The following ZNF75D variants were observed in gnomAD, a reference collection of about 807,000 sequenced individuals.
The protein encoded by ZNF75D is zinc finger protein 75.
In ZNF75D, 33 loss-of-function variants were observed where a neutral mutation model predicts 33.3. The ratio of observed to expected loss-of-function variants is 0.99; its 90% CI spans 0.75 to 1.32. The LOEUF (loss-of-function observed/expected upper bound fraction) is 1.32, where lower values mean the gene tolerates loss of function less well. Ranked by LOEUF, ZNF75D falls within the 40% of genes most tolerant of loss-of-function variation. The pLI is 0.00. For synonymous variants in ZNF75D, 113 were observed against 130.6 expected, an observed-to-expected ratio of 0.87 and a Z score of 0.92; for missense variants, 338 against 367.5, an observed-to-expected ratio of 0.92 and a Z score of 0.66.
chrX:135,312,117 T>C, intron 1 of ZNF75D, among the ~76,000 whole-genome samples: 1 of 111,820 alleles, frequency 8.9e-6, no homozygotes, highest in South Asian at 3.7e-4. Flanking sequence ...TGTATGTTTG[T>C]ACCCATTAAC....
downstream of ZNF75D, among the ~76,000 whole-genome samples, chrX:135,284,634 A>AGTCACTT (rs1377458479): frequency 1.8e-5 from 2 of 112,224 alleles, no homozygotes; most frequent in African/African-American, 6.5e-5. Flanking sequence ...ATCTAAAGGC[A>AGTCACTT]GTCACTTCCT....
rs146364929 is a variant in ZNF75D at position 135,287,378 on chromosome X, C to G, written c.1292G>C (p.Ser431Thr). The G allele has an allele frequency of 1.4e-4, 173 of 1,210,127 alleles. No homozygotes were observed. Among genetic ancestry groups the G allele is most frequent in the Non-Finnish European group, 1.8e-4 (165 of 895,048 alleles). Residue 431 changes from serine to threonine, a missense_variant, in exon 7 of 7, where the codon AGT becomes ACT. Around this residue, in one of 3 missense-constraint regions of ZNF75D, gnomAD observed 79 missense variants for 80.1 expected, o/e 0.99. Transcript: ENST00000370766. Reference protein sequence around the residue: ...YRCSWCGKSFSHNTNLHTHQR... With the variant: ...YRCSWCGKSFTHNTNLHTHQR... ...GTGTGTGTGTAGATTTGTGTTATGA[C>G]TAAAGCTTTTCCCACACCATGAGCA...
At chrX:135,253,439 G>T (rs1216200351) in intron 2 of ZNF75D, 2 of 293,870 alleles carry the variant, frequency 6.8e-6, no homozygotes, top group Non-Finnish European at 1.2e-5. Context: ...GTCAAGATGG[G>T]TGTGGATGCT....
chrX:135,312,038 T>C (rs1316958808), intron 1 of ZNF75D, among the ~76,000 whole-genome samples: 1 of 111,759 alleles, frequency 8.9e-6, no homozygotes, highest in Non-Finnish European at 1.9e-5. Flanking sequence ...GAATCCATAG[T>C]ACATTTGATG....
chrX:135,311,498 C>T (rs1556428117), intron 1 of ZNF75D, among the ~76,000 whole-genome samples: 1 of 112,363 alleles, frequency 8.9e-6, no homozygotes, highest in African/African-American at 3.2e-5. Flanking sequence ...CTAAATTAAG[C>T]TAATTATATG....
intron 1 of ZNF75D, chrX:135,298,465 T>C (rs1191128026): frequency 1.8e-5 from 2 of 111,145 alleles, no homozygotes; most frequent in African/African-American, 6.5e-5. Flanking sequence ...ATCAAACAAG[T>C]AGAATCTACT....
intron 1 of ZNF75D, among the ~76,000 whole-genome samples, chrX:135,278,955 G>T (rs1041155590): frequency 1.8e-5 from 2 of 110,803 alleles, no homozygotes; most frequent in Non-Finnish European, 3.8e-5. Context: ...ATTTTCTTTT[G>T]TGTGTGTGTG....
chrX:135,266,559 C>T (rs1556416338), intron 1 of ZNF75D, among the ~76,000 whole-genome samples: 1 of 111,787 alleles, frequency 8.9e-6, no homozygotes, highest in African/African-American at 3.2e-5. Flanking sequence ...ATAAAGGGGT[C>T]AATTCAGCAA....
At position 135,292,376 on chromosome X, in the gene ZNF75D, C is replaced by A; in HGVS notation, c.509G>T (p.Gly170Val). ...ATTCCAATATTCTTTCTGGAACACA[C>A]CCATTGGTTGGGGCTCTGCTGGCTT... ...KWKPAEPQPM[G>V]VFQKEYWNTY... Residue 170 changes from glycine to valine, a missense_variant, in exon 4 of 7, where the codon GGT (glycine) becomes GTT (valine). By Grantham distance (109) the Gly-to-Val change is moderately radical. Coordinates refer to ENST00000370766, the MANE Select transcript of ZNF75D (RefSeq NM_007131.5). 1 of 1,211,458 alleles carries A rather than the reference C, an allele frequency of 8.3e-7. No individual in the cohort carries two copies. Among genetic ancestry groups the A allele is most frequent in the Non-Finnish European group, 1.1e-6 (1 of 895,181 alleles).
At chrX:135,276,627 T>C (rs1157159609) in intron 1 of ZNF75D, among the ~76,000 whole-genome samples, 3 of 110,845 alleles carry the variant, frequency 2.7e-5, no homozygotes, top group Non-Finnish European at 5.7e-5. Flanking sequence ...CTCCTAATGC[T>C]ATCCCTCCCC....
At chrX:135,274,986 T>C (rs1556417425) in intron 1 of ZNF75D, among the ~76,000 whole-genome samples, 1 of 111,996 alleles carries the variant, frequency 8.9e-6, no homozygotes, top group Non-Finnish European at 1.9e-5. Flanking sequence ...GAAAGTGTTG[T>C]GCTAATAGTG....
At chrX:135,336,715 G>A (rs1385373681) in intron 1 of ZNF75D, among the ~76,000 whole-genome samples, 1 of 112,483 alleles carries the variant, frequency 8.9e-6, no homozygotes, top group African/African-American at 3.2e-5. Flanking sequence ...GAGAGGAAAA[G>A]AAATCTTCAA....
intron 1 of ZNF75D, among the ~76,000 whole-genome samples, chrX:135,317,310 G>A (rs1399862386): frequency 9.0e-6 from 1 of 111,514 alleles, no homozygotes; most frequent in African/African-American, 3.3e-5. Context: ...ACAGTTTTGC[G>A]GGGGACTGGT....
At chrX:135,309,485 T>C (rs782346149) in intron 1 of ZNF75D, 5 of 294,859 alleles carry the variant, frequency 1.7e-5, no homozygotes, top group Non-Finnish European at 2.9e-5. Context: ...GCTTCATGGA[T>C]AAAGAACTCC....
chrX:135,298,608 G>T (rs952451161), intron 1 of ZNF75D: 3 of 111,541 alleles, frequency 2.7e-5, no homozygotes, highest in Non-Finnish European at 5.7e-5. Context: ...GCTAAATTAT[G>T]ATATAATTCA....
chrX:135,328,615 T>A (rs917654872), intron 1 of ZNF75D, among the ~76,000 whole-genome samples: 2 of 111,640 alleles, frequency 1.8e-5, no homozygotes, highest in Non-Finnish European at 3.8e-5. Flanking sequence ...GTATTGCTGG[T>A]GTTGTTATTC....
At chrX:135,321,460 T>G (rs1181359893) in intron 1 of ZNF75D, among the ~76,000 whole-genome samples, 1 of 112,512 alleles carries the variant, frequency 8.9e-6, no homozygotes, top group African/African-American at 3.2e-5. Context: ...GTTGGATGTT[T>G]ATGCAGGAGT....
chrX:135,288,818 T>C (rs1556420445), intron 6 of ZNF75D, among the ~76,000 whole-genome samples: 2 of 112,818 alleles, frequency 1.8e-5, no homozygotes, highest in African/African-American at 6.4e-5. Flanking sequence ...GAAGTTAAAA[T>C]TGTGACTCTG....
intron 1 of ZNF75D, among the ~76,000 whole-genome samples, chrX:135,268,785 G>A (rs1602586043): frequency 9.0e-6 from 1 of 110,847 alleles, no homozygotes; most frequent in South Asian, 3.8e-4. Context: ...ACCCAGAAGA[G>A]CCAAAGCTGT....
Sources: allele counts gnomAD v4.1 joint callset (sites outside exome capture counted in the v4.1 genomes callset), GRCh38; gene constraint gnomAD v4.1.1; regional missense constraint gnomAD v4.1.1; transcripts MANE v1.5; gene names NCBI Gene and HGNC (gene_info 2026-07-23, HGNC 2026-07-21).